Variants in CCDC192 observed in about 807,000 individuals in gnomAD.
CCDC192 encodes the protein coiled-coil domain-containing protein 192.
chr5:127,921,810 TG>T (rs1753730132), intron 6 of CCDC192, among the ~76,000 whole-genome samples: 1 of 152,184 alleles, frequency 6.6e-6, no homozygotes, highest in Admixed American at 6.5e-5. Flanking sequence ...ATTCATTCCC[TG>T]GCTCTCAGAT....
At chr5:127,923,321 A>C (rs1753775668) in intron 6 of CCDC192, among the ~76,000 whole-genome samples, 1 of 152,004 alleles carries the variant, frequency 6.6e-6, no homozygotes, top group Admixed American at 6.5e-5. Flanking sequence ...TAGTTCATTC[A>C]TACAGTATTT....
intron 3 of CCDC192, among the ~76,000 whole-genome samples, chr5:127,795,301 A>C (rs1007543062): frequency 6.6e-6 from 1 of 151,972 alleles, no homozygotes; most frequent in Non-Finnish European, 1.5e-5. Flanking sequence ...AAAAAAAAAA[A>C]AAAAAAAAAC....
intron 5 of CCDC192, among the ~76,000 whole-genome samples, chr5:127,803,416 T>G (rs888575573): frequency 6.6e-6 from 1 of 152,196 alleles, no homozygotes; most frequent in South Asian, 2.1e-4. Context: ...CCTCCCATGA[T>G]TACTTATCCG....
intron 2 of CCDC192, among the ~76,000 whole-genome samples, chr5:127,714,448 G>A (rs1409387093): frequency 6.6e-6 from 1 of 152,164 alleles, no homozygotes; most frequent in African/African-American, 2.4e-5. Flanking sequence ...GAGTGCAGTG[G>A]TGTAGTCTTG....
intron 2 of CCDC192, among the ~76,000 whole-genome samples, chr5:127,748,869 A>C (rs1273427056): frequency 1.3e-5 from 2 of 150,580 alleles, no homozygotes; most frequent in Non-Finnish European, 3.0e-5. Flanking sequence ...TCTTTGAAGC[A>C]ATTGTGAATG....
chr5:127,860,884 C>A (rs1751329956), intron 5 of CCDC192, among the ~76,000 whole-genome samples: 1 of 152,244 alleles, frequency 6.6e-6, no homozygotes, highest in Admixed American at 6.5e-5. Context: ...CAGCCAAAAT[C>A]CCTGAGATAT....
At chr5:127,909,678 G>A (rs1208026178) in intron 6 of CCDC192, among the ~76,000 whole-genome samples, 1 of 151,830 alleles carries the variant, frequency 6.6e-6, no homozygotes, top group African/African-American at 2.4e-5. Context: ...CTTGGTCCAG[G>A]GCACTTCCTA....
intron 2 of CCDC192, among the ~76,000 whole-genome samples, chr5:127,720,444 C>T (rs1167651970): frequency 6.6e-6 from 1 of 152,224 alleles, no homozygotes; most frequent in Non-Finnish European, 1.5e-5. Context: ...CTGCAGGGGA[C>T]AGCCACCATG....
At chr5:127,807,423 C>T (rs1757851607) in intron 5 of CCDC192, among the ~76,000 whole-genome samples, 1 of 152,038 alleles carries the variant, frequency 6.6e-6, no homozygotes, top group Admixed American at 6.6e-5. Flanking sequence ...AAGCCTTTCC[C>T]AAAGCTATCT....
chr5:127,773,709 C>G lies in CCDC192; in HGVS notation c.222+19334C>G, dbSNP rs564956867. Among the ~76,000 whole-genome samples the G allele has an allele frequency of 2.0e-5, 3 of 152,234 alleles. No homozygotes were observed. In the South Asian group the frequency reaches 6.2e-4, roughly 32 times the overall value. On this transcript the variant is annotated intron_variant, in intron 3 of 6. Coordinates refer to ENST00000514853, the MANE Select transcript of CCDC192 (RefSeq NM_001317938.2). Reference sequence around the variant, plus strand: ...TGGACATTTGGTTTCCAACTTTTAGCTATTATGAATAAATATTTGTATGCC... The same window carrying G: ...TGGACATTTGGTTTCCAACTTTTAGGTATTATGAATAAATATTTGTATGCC...
intron 3 of CCDC192, among the ~76,000 whole-genome samples, chr5:127,795,666 C>T (rs866050737): frequency 9.2e-5 from 14 of 151,952 alleles, no homozygotes; most frequent in African/African-American, 2.2e-4. Context: ...CTGCAACCTC[C>T]GCCTCCTGGG....
At chr5:127,896,256 T>C (rs1255241534) in intron 6 of CCDC192, among the ~76,000 whole-genome samples, 1 of 152,062 alleles carries the variant, frequency 6.6e-6, no homozygotes, top group African/African-American at 2.4e-5. Flanking sequence ...CTGGGCAACA[T>C]AGTGAGACCC....
At chr5:127,754,562 T>C (rs1270339056) in intron 3 of CCDC192, among the ~76,000 whole-genome samples, 187 bp downstream of exon 3, 1 of 151,836 alleles carries the variant, frequency 6.6e-6, no homozygotes, top group Admixed American at 6.6e-5. Flanking sequence ...CCATTCATTT[T>C]AGACATAACA....
At chr5:127,736,447 A>G (rs1752997198) in intron 2 of CCDC192, among the ~76,000 whole-genome samples, 1 of 151,880 alleles carries the variant, frequency 6.6e-6, no homozygotes, top group South Asian at 2.1e-4. Flanking sequence ...GCCTCATAAA[A>G]AGGGTTAGGG....
At chr5:127,844,573 G>A (rs944765428) in intron 5 of CCDC192, among the ~76,000 whole-genome samples, 5 of 152,190 alleles carry the variant, frequency 3.3e-5, no homozygotes, top group Admixed American at 6.5e-5. Flanking sequence ...CACTCTGAGC[G>A]ACCCGGTGAA....
intron 3 of CCDC192, among the ~76,000 whole-genome samples, chr5:127,789,220 T>C (rs1756732217): frequency 6.6e-6 from 1 of 152,228 alleles, no homozygotes; most frequent in African/African-American, 2.4e-5. Context: ...AGTTTTGAGC[T>C]TCAGGCTTTA....
intron 5 of CCDC192, among the ~76,000 whole-genome samples, chr5:127,860,649 T>C (rs1751319100): frequency 6.6e-6 from 1 of 151,850 alleles, no homozygotes; most frequent in African/African-American, 2.4e-5. Flanking sequence ...AGTGACTAGA[T>C]GCAATATTTC....
At chr5:127,810,795 G>A (rs1308218098) in intron 5 of CCDC192, among the ~76,000 whole-genome samples, 1 of 152,124 alleles carries the variant, frequency 6.6e-6, no homozygotes, top group Non-Finnish European at 1.5e-5. Context: ...CAGGCTCCAT[G>A]TGTCATGTGT....
intron 6 of CCDC192, among the ~76,000 whole-genome samples, chr5:127,890,658 T>C (rs1290423130): frequency 6.6e-6 from 1 of 152,222 alleles, no homozygotes; most frequent in African/African-American, 2.4e-5. Context: ...TTTGGGAACA[T>C]CATTTTCAGT....
Sources: gnomAD v4.1 joint callset for allele counts (sites outside exome capture counted in the v4.1 genomes callset) on GRCh38, gnomAD v4.1.1 for gene constraint, MANE v1.5 for transcripts, NCBI Gene and HGNC (gene_info 2026-07-23, HGNC 2026-07-21) for gene names.